Variants in LTBP1 observed in about 807,000 individuals in gnomAD.
LTBP1 encodes latent transforming growth factor beta binding protein 1, also known as latent-transforming growth factor beta-binding protein 1.
Under a neutral mutation model 207.6 loss-of-function variants are expected in LTBP1, and 129 were observed. That is an observed-to-expected ratio of 0.62 (90% CI 0.54 to 0.72). The LOEUF (loss-of-function observed/expected upper bound fraction) is 0.72, where lower values mean the gene tolerates loss of function less well. Among genes scored for constraint, LTBP1 ranks in the 30% least tolerant of loss-of-function variants. LTBP1 has a pLI of 0.00. For synonymous variants in LTBP1, 963 were observed against 833.7 expected, an observed-to-expected ratio of 1.16 and a Z score of -2.67; for missense variants, 2,281 against 2,217.2, an observed-to-expected ratio of 1.03 and a Z score of -0.58.
At chr2:33,379,209 T>C (rs1186225381) in intron 31 of LTBP1, among the ~76,000 whole-genome samples, 3 of 142,630 alleles carry the variant, frequency 2.1e-5, no homozygotes, top group Admixed American at 6.9e-5. Flanking sequence ...TTTTTTTTTT[T>C]TTTTTTTTTT....
At chr2:33,089,809 T>C (rs1289730069) in intron 3 of LTBP1, among the ~76,000 whole-genome samples, 10 of 152,332 alleles carry the variant, frequency 6.6e-5, no homozygotes, top group Non-Finnish European at 7.4e-5. Flanking sequence ...TTCACCAATA[T>C]GTTTATATAT....
intron 25 of LTBP1, among the ~76,000 whole-genome samples, chr2:33,346,432 C>A (rs2094702058): frequency 6.6e-6 from 1 of 151,968 alleles, no homozygotes; most frequent in African/African-American, 2.4e-5. Flanking sequence ...GTCTGTAATC[C>A]CAGCACTTTG....
chr2:33,003,145 G>A (rs1026738506), intron 2 of LTBP1, among the ~76,000 whole-genome samples: 1 of 152,184 alleles, frequency 6.6e-6, no homozygotes, highest in Non-Finnish European at 1.5e-5. Context: ...TAGAAACATC[G>A]AATGTGCTTG....
rs56058653 is a variant in LTBP1 at position 33,082,432 on chromosome 2, C to CTT, written c.864-28117_864-28116dup. ...TTAACCGTGGCTAAAGTATGACTCA[C>CTT]TTTTTTTTTTTTTTTTTTTTTTTTT... is the stretch of plus-strand genomic sequence containing the variant. On this transcript the variant is annotated intron_variant, in intron 3 of 33. Transcript: ENST00000404816. Among the ~76,000 whole-genome samples the CTT allele has an allele frequency of 2.9e-3, 85 of 29,332 alleles. 4 individuals are homozygous for CTT. Among genetic ancestry groups the CTT allele is most frequent in the African/African-American group, 8.9e-3 (81 of 9,152 alleles). 19.2% of individuals were successfully genotyped at this position (29,332 alleles called of 152,430 possible).
chr2:33,061,322 T>C (rs1190664037), intron 3 of LTBP1: 2 of 152,160 alleles, frequency 1.3e-5, no homozygotes, highest in African/African-American at 4.8e-5. Flanking sequence ...AGTATTTGCT[T>C]ATAGTGTTAT....
At chr2:33,078,125 G>A (rs1026903744) in intron 3 of LTBP1, among the ~76,000 whole-genome samples, 3 of 152,190 alleles carry the variant, frequency 2.0e-5, no homozygotes, top group Non-Finnish European at 4.4e-5. Flanking sequence ...GATGCCTTTG[G>A]AGACGGTTGA....
In LTBP1 at chr2:32,995,509, C is replaced by T. The variant is rs916810270; in HGVS notation, c.566-25400C>T. Among the ~76,000 whole-genome samples, 8 of 152,110 alleles carry T rather than the reference C, an allele frequency of 5.3e-5. No homozygotes were observed. In the East Asian group the frequency reaches 9.7e-4, roughly 18 times the overall value. ...TAAGAACACATGATTTGGCCGGGCGCGGTGGCTCACGCCTGTAATCCCAAG... is the reference window on the plus strand; with the variant it reads ...TAAGAACACATGATTTGGCCGGGCGTGGTGGCTCACGCCTGTAATCCCAAG... On this transcript the variant is annotated intron_variant, in intron 2 of 33. Transcript: ENST00000404816.
intron 4 of LTBP1, among the ~76,000 whole-genome samples, chr2:33,132,266 G>T (rs1172002781): frequency 6.6e-6 from 1 of 152,140 alleles, no homozygotes; most frequent in African/African-American, 2.4e-5. Context: ...GTGCTACTGT[G>T]AAAAAGCAAA....
chr2:33,260,824 T>C (rs2092990253), intron 13 of LTBP1, among the ~76,000 whole-genome samples: 1 of 152,226 alleles, frequency 6.6e-6, no homozygotes, highest in African/African-American at 2.4e-5. Context: ...GCCAGCATCC[T>C]GGCAGCCTCA....
chr2:33,262,938 T>C (rs868514117), intron 14 of LTBP1, 117 bp downstream of exon 14: 1 of 630,542 alleles, frequency 1.6e-6, no homozygotes, highest in Non-Finnish European at 2.8e-6. Flanking sequence ...TGAAGTTCAG[T>C]GTTAAGTATA....
At chr2:32,988,392 G>A (rs1683914499) in intron 2 of LTBP1, among the ~76,000 whole-genome samples, 1 of 152,108 alleles carries the variant, frequency 6.6e-6, no homozygotes, top group Non-Finnish European at 1.5e-5. Context: ...TTTCAAGATG[G>A]CAGTAGCCCA....
At chr2:33,133,774 G>A (rs149541251) in intron 4 of LTBP1, among the ~76,000 whole-genome samples, 6 of 152,182 alleles carry the variant, frequency 3.9e-5, no homozygotes, top group African/African-American at 9.6e-5. Context: ...TGATAGAGAC[G>A]TTGAAAGTTA....
At chr2:32,955,552 A>G (rs150658) in intron 2 of LTBP1, among the ~76,000 whole-genome samples, 73,339 of 151,862 alleles carry the variant, frequency 0.48, 18,057 homozygotes, top group Admixed American at 0.55. Context: ...AATTTGCAAA[A>G]TTGTTGCTGC....
intron 9 of LTBP1, among the ~76,000 whole-genome samples, chr2:33,236,814 T>C (rs761737671): frequency 1.3e-5 from 2 of 152,218 alleles, no homozygotes; most frequent in Non-Finnish European, 2.9e-5. Context: ...AGTAAGTGTG[T>C]GTTGCTAGCA....
chr2:33,049,244 T>C (rs1234297620), intron 3 of LTBP1, among the ~76,000 whole-genome samples: 1 of 152,192 alleles, frequency 6.6e-6, no homozygotes, highest in African/African-American at 2.4e-5. Flanking sequence ...TAAAACCCAA[T>C]AAAAATTTGT....
At chr2:33,150,767 G>T (rs1298455248) in intron 5 of LTBP1, among the ~76,000 whole-genome samples, 1 of 120,124 alleles carries the variant, frequency 8.3e-6, no homozygotes, top group East Asian at 2.4e-4. Flanking sequence ...TGCCCAGGCT[G>T]GAGTGCAGTG....
chr2:33,181,182 C>G (rs4670245), intron 5 of LTBP1, among the ~76,000 whole-genome samples: 66,484 of 151,658 alleles, frequency 0.44, 15,192 homozygotes, highest in Non-Finnish European at 0.5. Context: ...TTTTGGGAAC[C>G]AGCAGCCGAA....
chr2:33,148,195 A>T (rs1380621512), intron 5 of LTBP1, among the ~76,000 whole-genome samples: 1 of 152,214 alleles, frequency 6.6e-6, no homozygotes, highest in Non-Finnish European at 1.5e-5. Flanking sequence ...GTCCATCCTT[A>T]TTCTTGTTAA....
At chr2:33,183,687 C>G (rs2086894917) in intron 5 of LTBP1, among the ~76,000 whole-genome samples, 1 of 152,148 alleles carries the variant, frequency 6.6e-6, no homozygotes, top group African/African-American at 2.4e-5. Flanking sequence ...AAAGCTGGGC[C>G]TAGCTCCCTT....
Sources: allele counts gnomAD v4.1 joint callset (sites outside exome capture counted in the v4.1 genomes callset), GRCh38; gene constraint gnomAD v4.1.1; transcripts MANE v1.5; gene names NCBI Gene and HGNC (gene_info 2026-07-23, HGNC 2026-07-21).